MYO3B: variants seen among roughly 807,000 people sequenced by gnomAD.
MYO3B encodes the protein myosin-IIIb.
A neutral mutation model predicts 174.6 loss-of-function variants in MYO3B; 156 were observed. That is an observed-to-expected ratio of 0.89 (90% CI 0.78 to 1.02). The LOEUF is 1.02. Among genes scored for constraint, MYO3B ranks in the 50% least tolerant of loss-of-function variants. MYO3B has a pLI of 0.00. For missense variants in MYO3B, 1,632 were observed against 1,639.4 expected (o/e 1.00, Z 0.08); for synonymous variants, 563 against 569.1 (o/e 0.99, Z 0.15).
At position 170,399,165 on chromosome 2, in the gene MYO3B, C is replaced by T. The variant is rs569333299; in HGVS notation, c.1792-1023C>T. Among the ~76,000 whole-genome samples the T allele has an allele frequency of 1.0e-3, 154 of 147,900 alleles. 1 individual carries two copies. Among genetic ancestry groups the T allele is most frequent in the African/African-American group, 3.5e-3 (142 of 40,242 alleles). ...GCTGAGGCAGGAGAATTGCTTGAAC[C>T]TGGGAGGCAGAGGTTGCAGTGAGCC... On this transcript the variant is annotated intron_variant, in intron 16 of 34. Transcript: ENST00000408978.
At chr2:170,236,255 T>A in intron 7 of MYO3B, 119 bp downstream of exon 7, 2 of 1,358,262 alleles carry the variant, frequency 1.5e-6, no homozygotes, top group Non-Finnish European at 2.0e-6. Flanking sequence ...GATTGTGAAA[T>A]ATATTTTCTT....
chr2:170,466,436 C>A, intron 24 of MYO3B, 70 bp from the exon 25 acceptor site: 1 of 1,430,676 alleles, frequency 7.0e-7, no homozygotes, highest in Non-Finnish European at 9.7e-7. Flanking sequence ...GAGGCTTCTG[C>A]GGGCCTGTGT....
intron 23 of MYO3B, among the ~76,000 whole-genome samples, chr2:170,457,846 C>T (rs1009466062): frequency 1.1e-4 from 16 of 152,128 alleles, no homozygotes; most frequent in Non-Finnish European, 2.2e-4. Flanking sequence ...CCTCTGCCTC[C>T]CGGGTTCAAG....
In MYO3B at chr2:170,203,498, CGG is replaced by C. The variant is rs1278855339; in HGVS notation, c.321+3222_321+3223del. Among the ~76,000 whole-genome samples, 5 of 13,456 alleles carry C rather than the reference CGG, an allele frequency of 3.7e-4. No individual in the cohort carries two copies. The East Asian group carries it at 0.018, about 47-fold the overall frequency. 8.8% of individuals were successfully genotyped at this position (13,456 alleles called of 152,430 possible). A position where few individuals can be genotyped will look rare whatever the true frequency, so the allele number is the denominator to read the frequency against. The stretch of plus-strand genomic sequence containing the variant: ...GTAGAGCCAAAGCAAAAGGGGGCGG[CGG>C]GGGGGGGAGGGAGGGAGGGAGAAAG... On this transcript the variant is annotated intron_variant, in intron 3 of 34. Transcript: ENST00000408978.
intron 25 of MYO3B, among the ~76,000 whole-genome samples, chr2:170,487,168 C>G (rs547859359): frequency 6.6e-6 from 1 of 152,286 alleles, no homozygotes; most frequent in Non-Finnish European, 1.5e-5. Context: ...TTTTTAAGCT[C>G]CACGTTCCCA....
intron 22 of MYO3B, among the ~76,000 whole-genome samples, chr2:170,421,822 T>C (rs2094617486): frequency 6.6e-6 from 1 of 152,198 alleles, no homozygotes; most frequent in Non-Finnish European, 1.5e-5. Flanking sequence ...CCCTTGAAAC[T>C]CTTGTTGCCT....
intron 32 of MYO3B, among the ~76,000 whole-genome samples, chr2:170,606,225 A>C (rs954944051): frequency 1.3e-5 from 2 of 152,044 alleles, no homozygotes; most frequent in African/African-American, 4.8e-5. Context: ...AAAAAATTCA[A>C]ACTGCCTCCC....
chr2:170,179,834 C>T (rs867349362), intron 1 of MYO3B, among the ~76,000 whole-genome samples: 6 of 152,154 alleles, frequency 3.9e-5, no homozygotes, highest in Non-Finnish European at 7.3e-5. Flanking sequence ...AATTTACTCA[C>T]GCTTGTATGG....
intron 23 of MYO3B, among the ~76,000 whole-genome samples, chr2:170,448,276 G>T (rs1683371945): frequency 6.6e-6 from 1 of 152,196 alleles, no homozygotes. Flanking sequence ...CAGCTTGGAG[G>T]TTAGAAGGAA....
chr2:170,602,488 G>A (rs1011470), intron 32 of MYO3B, among the ~76,000 whole-genome samples: 34,441 of 152,184 alleles, frequency 0.23, 7,527 homozygotes, highest in African/African-American at 0.58. Context: ...AGTTTTGAAT[G>A]CAGAGTGAAT....
At chr2:170,255,957 C>T (rs571837032) in intron 7 of MYO3B, among the ~76,000 whole-genome samples, 3 of 152,300 alleles carry the variant, frequency 2.0e-5, no homozygotes, top group Non-Finnish European at 2.9e-5. Context: ...TCAAACTGAA[C>T]TTCTGGAATT....
chr2:170,351,884 A>G (rs1340812569), intron 8 of MYO3B, among the ~76,000 whole-genome samples: 1 of 152,194 alleles, frequency 6.6e-6, no homozygotes, highest in African/African-American at 2.4e-5. Context: ...AACTCTAATC[A>G]TACAGTTGGG....
At chr2:170,537,448 A>ATTT (rs559086883) in intron 30 of MYO3B, among the ~76,000 whole-genome samples, 1,806 of 54,806 alleles carry the variant, frequency 0.033, 354 homozygotes, top group Non-Finnish European at 0.04. Context: ...GAGCTCTTTG[A>ATTT]TTTTTTTTTT....
intron 22 of MYO3B, among the ~76,000 whole-genome samples, chr2:170,425,094 C>A (rs1166200704): frequency 6.6e-6 from 1 of 152,150 alleles, no homozygotes; most frequent in Non-Finnish European, 1.5e-5. Flanking sequence ...ATTTCCCTCC[C>A]TTAGTAACAG....
intron 6 of MYO3B, among the ~76,000 whole-genome samples, chr2:170,221,193 G>A (rs1014465459): frequency 2.0e-5 from 3 of 152,126 alleles, no homozygotes; most frequent in South Asian, 2.1e-4. Context: ...CTGCTTGTAT[G>A]AATAAGTGGT....
intron 28 of MYO3B, among the ~76,000 whole-genome samples, chr2:170,510,031 G>A (rs560746255): frequency 2.2e-4 from 33 of 152,312 alleles, no homozygotes; most frequent in Non-Finnish European, 3.4e-4. Flanking sequence ...AGAAGCAGAG[G>A]CAAGGGTGAC....
chr2:170,267,208 C>G (rs540369259), intron 7 of MYO3B, among the ~76,000 whole-genome samples: 18 of 152,308 alleles, frequency 1.2e-4, no homozygotes, highest in African/African-American at 4.3e-4. Flanking sequence ...CTGACAGAGG[C>G]TCTGCCATAT....
intron 32 of MYO3B, among the ~76,000 whole-genome samples, chr2:170,624,538 C>A (rs967311950): frequency 1.3e-5 from 2 of 152,134 alleles, no homozygotes; most frequent in Non-Finnish European, 2.9e-5. Flanking sequence ...TCCTCTTTTC[C>A]TAATTGAGTA....
At chr2:170,445,068 G>C (rs1397597357) in intron 23 of MYO3B, among the ~76,000 whole-genome samples, 2 of 152,090 alleles carry the variant, frequency 1.3e-5, no homozygotes, top group Non-Finnish European at 1.5e-5. Flanking sequence ...TCAATACTTA[G>C]GCCACAATAT....
Sources: gnomAD v4.1 joint callset for allele counts (sites outside exome capture counted in the v4.1 genomes callset) on GRCh38, gnomAD v4.1.1 for gene constraint, MANE v1.5 for transcripts, NCBI Gene and HGNC (gene_info 2026-07-23, HGNC 2026-07-21) for gene names.